Variants in SOX5 observed in about 807,000 individuals in gnomAD.
The protein encoded by SOX5 is transcription factor SOX-5.
In SOX5, 9 loss-of-function variants were observed where a neutral mutation model predicts 92.0. The observed-to-expected ratio is 0.10, with a 90% CI of 0.06 to 0.17. The LOEUF (loss-of-function observed/expected upper bound fraction) is 0.17, where lower values mean the gene tolerates loss of function less well. Ranked by LOEUF, SOX5 falls within the 10% of genes least tolerant of loss-of-function variation. The probability of loss-of-function intolerance (pLI) is 1.00; values close to 1 mark genes in which losing one functional copy is unlikely to be tolerated. For missense variants in SOX5, 642 were observed against 944.5 expected, an observed-to-expected ratio of 0.68 and a Z score of 4.20; for synonymous variants, 344 against 336.3, an observed-to-expected ratio of 1.02 and a Z score of -0.25.
At chr12:23,669,949 G>A (rs1354632336) in intron 6 of SOX5, among the ~76,000 whole-genome samples, 1 of 152,150 alleles carries the variant, frequency 6.6e-6, no homozygotes, top group African/African-American at 2.4e-5. Flanking sequence ...AGAAGTTAAT[G>A]AGAATGGCCT....
At chr12:24,123,543 A>G (rs1215137969) in intron 4 of SOX5, among the ~76,000 whole-genome samples, 5 of 152,208 alleles carry the variant, frequency 3.3e-5, no homozygotes. Flanking sequence ...TTACCCAACC[A>G]TCATGTAGTT....
At chr12:24,197,238 G>A (rs1467372744) in intron 4 of SOX5, among the ~76,000 whole-genome samples, 1 of 152,136 alleles carries the variant, frequency 6.6e-6, no homozygotes, top group African/African-American at 2.4e-5. Context: ...AAGCAGATCT[G>A]TGCCAAATAT....
intron 1 of SOX5, among the ~76,000 whole-genome samples, chr12:24,404,093 A>T (rs1962379114): frequency 6.6e-6 from 1 of 152,232 alleles, no homozygotes; most frequent in Non-Finnish European, 1.5e-5. Flanking sequence ...ATTGAAGCTG[A>T]ACATATTTTA....
At chr12:24,207,856 G>A (rs933747947) in intron 4 of SOX5, among the ~76,000 whole-genome samples, 2 of 152,056 alleles carry the variant, frequency 1.3e-5, no homozygotes, top group Non-Finnish European at 2.9e-5. Flanking sequence ...GTCAACTCTC[G>A]TGCCATGTTC....
chr12:23,969,612 T>C (rs1947993458), intron 4 of SOX5, among the ~76,000 whole-genome samples: 1 of 152,222 alleles, frequency 6.6e-6, no homozygotes, highest in African/African-American at 2.4e-5. Context: ...TTGGCTAATG[T>C]CTAGCTACAC....
chr12:24,374,244 C>T (rs1957019663), intron 1 of SOX5, among the ~76,000 whole-genome samples: 1 of 151,952 alleles, frequency 6.6e-6, no homozygotes, highest in Non-Finnish European at 1.5e-5. Context: ...GCCCTGTGGG[C>T]TGACAGTCCT....
intron 3 of SOX5, among the ~76,000 whole-genome samples, chr12:23,824,679 GCGT>G (rs1264108414): frequency 6.6e-6 from 1 of 152,192 alleles, no homozygotes; most frequent in Non-Finnish European, 1.5e-5. Flanking sequence ...TGCTGAAGAT[GCGT>G]CCACAGCCTC....
At chr12:24,240,431 A>T (rs883569) in intron 3 of SOX5, among the ~76,000 whole-genome samples, 1 of 152,098 alleles carries the variant, frequency 6.6e-6, no homozygotes, top group African/African-American at 2.4e-5. Flanking sequence ...TTCCGTACAA[A>T]GATGCAATTT....
chr12:24,001,785 C>A (rs1951635291), intron 4 of SOX5, among the ~76,000 whole-genome samples: 1 of 152,006 alleles, frequency 6.6e-6, no homozygotes, highest in South Asian at 2.1e-4. Context: ...ACAAAGAAAG[C>A]AATACAGGAG....
rs1945175065 is a variant in SOX5, at chr12:23,949,449, G to A, written c.38+115C>T. The A allele has an allele frequency of 4.7e-6, 6 of 1,264,580 alleles. No individual in the cohort carries two copies. The African/African-American group carries it at 7.4e-5, about 16-fold the overall frequency. 78.3% of individuals were successfully genotyped at this position (1,264,580 alleles called of 1,614,324 possible). ...AGCTAACAAGATTGCAGAAGCCCTAGCTAAAGGCTTCTCTAACAAACACGT... is the reference window on the plus strand; with the variant it reads ...AGCTAACAAGATTGCAGAAGCCCTAACTAAAGGCTTCTCTAACAAACACGT... On this transcript the variant is annotated intron_variant, in intron 1 of 14. Coordinates refer to ENST00000451604, the MANE Select transcript of SOX5 (RefSeq NM_006940.6).
chr12:24,521,959 A>G (rs976891176), intron 1 of SOX5, among the ~76,000 whole-genome samples: 1 of 151,958 alleles, frequency 6.6e-6, no homozygotes, highest in Admixed American at 6.5e-5. Context: ...GTAGAAACGA[A>G]TCAAATAAAG....
chr12:23,837,934 T>G (rs1273589954), intron 3 of SOX5, among the ~76,000 whole-genome samples: 82 of 119,590 alleles, frequency 6.9e-4, no homozygotes, highest in African/African-American at 1.4e-3. Context: ...ATTTATATAA[T>G]ATATATTTAT....
chr12:23,724,851 T>A (rs7968256), intron 6 of SOX5, among the ~76,000 whole-genome samples: 1 of 152,040 alleles, frequency 6.6e-6, no homozygotes, highest in Non-Finnish European at 1.5e-5. Context: ...GAAGGACAGT[T>A]CAATCACATT....
intron 8 of SOX5, among the ~76,000 whole-genome samples, chr12:23,637,208 G>T (rs760915926): frequency 1.3e-5 from 2 of 152,128 alleles, no homozygotes; most frequent in Non-Finnish European, 2.9e-5. Context: ...CTTTGGCAAG[G>T]CTATTTCAGC....
At chr12:24,401,713 A>T (rs1331146377) in intron 1 of SOX5, among the ~76,000 whole-genome samples, 2 of 91,838 alleles carry the variant, frequency 2.2e-5, no homozygotes, top group Non-Finnish European at 4.5e-5. Context: ...ATCTTTAAAA[A>T]AAAAAAAAAA....
chr12:23,895,630 C>T (rs556585187), intron 2 of SOX5, among the ~76,000 whole-genome samples, 163 bp downstream of exon 2: 1 of 152,232 alleles, frequency 6.6e-6, no homozygotes, highest in East Asian at 1.9e-4. Context: ...TCTTATGCTG[C>T]TTATTGGAAC....
chr12:23,843,945 A>C (rs538250753), intron 3 of SOX5, among the ~76,000 whole-genome samples: 1 of 152,192 alleles, frequency 6.6e-6, no homozygotes, highest in Admixed American at 6.5e-5. Flanking sequence ...AGGAAGCACA[A>C]TATTTTAAAA....
At chr12:23,759,010 A>AACACACACACACAC (rs761303900) in intron 3 of SOX5, among the ~76,000 whole-genome samples, 1 of 108,348 alleles carries the variant, frequency 9.2e-6, no homozygotes, top group Non-Finnish European at 1.9e-5. Context: ...GGCAACACAA[A>AACACACACACACAC]ACACACACAC....
At chr12:23,791,471 T>A (rs2095474138) in intron 3 of SOX5, among the ~76,000 whole-genome samples, 1 of 152,168 alleles carries the variant, frequency 6.6e-6, no homozygotes, top group South Asian at 2.1e-4. Flanking sequence ...TTTAGTTGTT[T>A]ATAGTGGAAT....
Sources: gnomAD v4.1 joint callset for allele counts (sites outside exome capture counted in the v4.1 genomes callset) on GRCh38, gnomAD v4.1.1 for gene constraint, MANE v1.5 for transcripts, NCBI Gene and HGNC (gene_info 2026-07-23, HGNC 2026-07-21) for gene names.